DNAH8: variants seen among roughly 807,000 people sequenced by gnomAD.
The protein encoded by DNAH8 is axonemal beta dynein heavy chain 8.
In DNAH8, 382 loss-of-function variants were observed where a neutral mutation model predicts 562.1. The ratio of observed to expected loss-of-function variants is 0.68; its 90% confidence interval spans 0.63 to 0.74. The LOEUF (loss-of-function observed/expected upper bound fraction) is 0.74, where lower values mean the gene tolerates loss of function less well. Ranked by LOEUF, DNAH8 falls within the 30% of genes least tolerant of loss-of-function variation. The pLI, the probability that DNAH8 is intolerant of heterozygous loss-of-function variation, is 0.00. For missense variants in DNAH8, 5,203 were observed against 5,620.4 expected, an observed-to-expected ratio of 0.93 and a Z score of 2.37; for synonymous variants, 1,881 against 1,919.4, an observed-to-expected ratio of 0.98 and a Z score of 0.52.
At position 38,938,990 on chromosome 6, in the gene DNAH8, T is replaced by A. The variant is rs759921926; in HGVS notation, c.12007+2T>A. On this transcript the variant is annotated splice_donor_variant, in intron 79 of 92. Transcript: ENST00000327475. LOFTEE classifies it high-confidence loss of function. ...GAGAGTTTCAAGCTCTCATTAAAGG[T>A]AAAGTGTGTGGGATACAGATGTGGT... 1 of 1,611,934 alleles carries A rather than the reference T, an allele frequency of 6.2e-7. No individual in the cohort carries two copies. The highest frequency in any genetic ancestry group is 8.5e-7 in the Non-Finnish European group (1 of 1,178,748).
rs1225295606 is a variant in DNAH8, at chr6:38,973,822, C to A, written c.12678+9C>A. 2 of 1,587,072 alleles carry A rather than the reference C, an allele frequency of 1.3e-6. No homozygotes were observed. Among genetic ancestry groups the A allele is most frequent in the Middle Eastern group, 1.7e-4 (1 of 5,924 alleles). On this transcript the variant is annotated intron_variant, in intron 84 of 92. Transcript: ENST00000327475. Reference sequence around the variant, plus strand: ...CAATTACATTGCTTCAGGTTTGTTACTAAACGTCTTTTCATCGAGAGTCAT... The same window carrying A: ...CAATTACATTGCTTCAGGTTTGTTAATAAACGTCTTTTCATCGAGAGTCAT...
chr6:38,767,058 T>C (rs1235114490), intron 11 of DNAH8, among the ~76,000 whole-genome samples: 3 of 152,244 alleles, frequency 2.0e-5, no homozygotes, highest in African/African-American at 7.2e-5. Context: ...ATTAACTACA[T>C]TCACAGTGTT....
chr6:39,015,578 C>A (rs1029464189), intron 91 of DNAH8, among the ~76,000 whole-genome samples: 5 of 152,134 alleles, frequency 3.3e-5, no homozygotes, highest in Non-Finnish European at 7.3e-5. Context: ...GTAAGACGTG[C>A]CTGCTTCCCC....
At chr6:38,913,802 G>A in intron 66 of DNAH8, 47 bp from the exon 67 acceptor site, 2 of 1,254,688 alleles carry the variant, frequency 1.6e-6, no homozygotes, top group Non-Finnish European at 2.3e-6. Flanking sequence ...TTTGATGAAG[G>A]CATATACCTG....
intron 82 of DNAH8, among the ~76,000 whole-genome samples, chr6:38,954,365 A>G (rs1319235772): frequency 6.6e-6 from 1 of 152,246 alleles, no homozygotes; most frequent in Admixed American, 6.5e-5. Context: ...GTACAGATGA[A>G]ACATTTTAAC....
chr6:38,934,213 C>T lies in DNAH8; in HGVS notation c.11458-1379C>T, dbSNP rs188260431. Reference sequence around the variant, plus strand: ...ACTAAAAATACAAAAATTAGCCAGGCGTGGTGGTGCACGCCTGTAGTCCCA... The same window carrying T: ...ACTAAAAATACAAAAATTAGCCAGGTGTGGTGGTGCACGCCTGTAGTCCCA... On this transcript the variant is annotated intron_variant, in intron 76 of 92. Coordinates refer to ENST00000327475, the MANE Select transcript of DNAH8 (RefSeq NM_001206927.2). Among the ~76,000 whole-genome samples the T allele has an allele frequency of 2.3e-3, 343 of 151,936 alleles. 6 individuals are homozygous for T. The highest frequency in any genetic ancestry group is 0.015 in the Admixed American group (234 of 15,250).
At chr6:38,873,495 G>A in intron 52 of DNAH8, 119 bp downstream of exon 52, 2 of 822,700 alleles carry the variant, frequency 2.4e-6, no homozygotes, top group South Asian at 2.2e-5. Flanking sequence ...TTGATGATGT[G>A]GCTGTAAAAG....
At chr6:38,863,233 C>T (rs1299431471) in intron 44 of DNAH8, among the ~76,000 whole-genome samples, 1 of 145,724 alleles carries the variant, frequency 6.9e-6, no homozygotes, top group African/African-American at 2.5e-5. Flanking sequence ...GGAGTTCAAC[C>T]ATCCTGGCCA....
intron 56 of DNAH8, among the ~76,000 whole-genome samples, chr6:38,886,513 A>G (rs1313862535): frequency 2.0e-5 from 3 of 152,194 alleles, no homozygotes; most frequent in Admixed American, 6.5e-5. Flanking sequence ...TAATTTAACC[A>G]AATATCTTAT....
intron 82 of DNAH8, among the ~76,000 whole-genome samples, chr6:38,962,503 G>A (rs1014947925): frequency 5.9e-5 from 9 of 152,120 alleles, no homozygotes; most frequent in African/African-American, 2.2e-4. Flanking sequence ...CTTAATATGT[G>A]ATAAGATTTG....
intron 91 of DNAH8, among the ~76,000 whole-genome samples, chr6:39,018,399 C>G (rs999151550): frequency 6.6e-6 from 1 of 152,196 alleles, no homozygotes; most frequent in South Asian, 2.1e-4. Context: ...TGAAAACTCT[C>G]ATGCCTTGGT....
intron 35 of DNAH8, 48 bp downstream of exon 35, chr6:38,842,951 G>T (rs1296002623): frequency 6.3e-7 from 1 of 1,586,400 alleles, no homozygotes; most frequent in East Asian, 2.2e-5. Flanking sequence ...AAGAATGTCT[G>T]CTTTTTCTTT....
rs148812136 is a variant in DNAH8 at position 38,790,813 on chromosome 6, A to G, written c.2781+408A>G. On this transcript the variant is annotated intron_variant, in intron 20 of 92. Coordinates refer to ENST00000327475, the MANE Select transcript of DNAH8 (RefSeq NM_001206927.2). ...ACTCCAACCTGGGCGACAGGGCAAG[A>G]CTCCGTCTAAAAAAAAAAAAAACAA... is the stretch of plus-strand genomic sequence containing the variant. 0.011 allele frequency among the ~76,000 whole-genome samples: 1,607 copies of G among 150,882 alleles called. 79 individuals are homozygous for G. The East Asian group carries it at 0.14, about 13-fold the overall frequency.
intron 23 of DNAH8, 145 bp from the exon 24 acceptor site, chr6:38,807,465 A>G: frequency 2.4e-6 from 1 of 418,454 alleles, no homozygotes; most frequent in Non-Finnish European, 4.3e-6. Flanking sequence ...TTAGGACTGA[A>G]TTTATTTCTA....
chr6:38,932,261 C>T (rs2150579245), intron 76 of DNAH8, among the ~76,000 whole-genome samples: 1 of 150,128 alleles, frequency 6.7e-6, no homozygotes, highest in East Asian at 2.0e-4. Context: ...GGTGTACTGA[C>T]TCTCTTATGT....
chr6:38,854,946 G>T (rs1265903272), intron 41 of DNAH8, among the ~76,000 whole-genome samples: 1 of 147,630 alleles, frequency 6.8e-6, no homozygotes, highest in East Asian at 2.0e-4. Context: ...ATTTTACAAA[G>T]TATTTTATAC....
chr6:38,839,455 G>A (rs1423356143), intron 33 of DNAH8, among the ~76,000 whole-genome samples: 1 of 151,638 alleles, frequency 6.6e-6, no homozygotes, highest in Non-Finnish European at 1.5e-5. Context: ...CGTAGTTCAA[G>A]TGATCCTCCT....
intron 47 of DNAH8, 131 bp from the exon 48 acceptor site, chr6:38,867,931 C>A (rs950497538): frequency 8.4e-6 from 7 of 829,548 alleles, no homozygotes; most frequent in Admixed American, 2.7e-5. Context: ...AGCTAATAAA[C>A]CTTTGTGGCT....
chr6:38,933,197 G>C (rs1278942884), intron 76 of DNAH8, among the ~76,000 whole-genome samples: 1 of 152,080 alleles, frequency 6.6e-6, no homozygotes, highest in Non-Finnish European at 1.5e-5. Flanking sequence ...CCCCATGCAG[G>C]CTGCACTAAC....
Sources: allele counts gnomAD v4.1 joint callset (sites outside exome capture counted in the v4.1 genomes callset), GRCh38; gene constraint gnomAD v4.1.1; transcripts MANE v1.5; gene names NCBI Gene and HGNC (gene_info 2026-07-23, HGNC 2026-07-21).